The following NUP205 variants were observed in gnomAD, a reference collection of about 807,000 sequenced individuals.
NUP205 encodes the protein nucleoporin 205, also known as nuclear pore complex protein Nup205.
NUP205 carries 76 observed loss-of-function variants against 253.8 expected under a neutral mutation model. That is an observed-to-expected ratio of 0.30 (90% CI 0.25 to 0.36). NUP205 has a LOEUF of 0.36. Among genes scored for constraint, NUP205 ranks in the 10% least tolerant of loss-of-function variants. NUP205 has a pLI of 1.00. For synonymous variants in NUP205, 832 were observed against 850.1 expected (o/e 0.98, Z 0.37); for missense variants, 2,162 against 2,425.5 (o/e 0.89, Z 2.28).
At chr7:135,616,099 A>G in intron 24 of NUP205, 34 bp downstream of exon 24, 1 of 1,585,940 alleles carries the variant, frequency 6.3e-7, no homozygotes, top group Non-Finnish European at 8.6e-7. Flanking sequence ...TGTGCTGGTG[A>G]CTAGTTGTCG....
intron 7 of NUP205, among the ~76,000 whole-genome samples, chr7:135,580,376 C>T (rs371633275): frequency 3.3e-5 from 5 of 152,272 alleles, no homozygotes; most frequent in South Asian, 2.1e-4. Context: ...CTCACCTGTA[C>T]GTACCCTCAT....
chr7:135,597,193 A>G (rs187895427), intron 13 of NUP205, 175 bp from the exon 14 acceptor site: 3 of 473,262 alleles, frequency 6.3e-6, no homozygotes, highest in Non-Finnish European at 1.1e-5. Context: ...TTCTATCTCA[A>G]CCTGGCAGAA....
At chr7:135,571,357 T>C in intron 2 of NUP205, 110 bp downstream of exon 2, 1 of 684,726 alleles carries the variant, frequency 1.5e-6, no homozygotes, top group South Asian at 4.1e-5. Context: ...TTCAGAAATT[T>C]ATTTACTGTG....
intron 23 of NUP205, 123 bp from the exon 24 acceptor site, chr7:135,615,793 G>T: frequency 2.0e-6 from 1 of 507,272 alleles, no homozygotes; most frequent in South Asian, 5.6e-5. Context: ...TTATTATGTT[G>T]CTGAGTTTCA....
chr7:135,597,348 C>A lies in NUP205; in HGVS notation c.2014-20C>A, dbSNP rs1291935846. The A allele has an allele frequency of 1.6e-5, 25 of 1,589,538 alleles. No individual in the cohort carries two copies. The highest frequency in any genetic ancestry group is 2.0e-5 in the Non-Finnish European group (23 of 1,158,316). ...GATGAATGAGGAATGCTCCTGACATCTACTTCTTACTATTTTAAGATACTG... is the reference window on the plus strand; with the variant it reads ...GATGAATGAGGAATGCTCCTGACATATACTTCTTACTATTTTAAGATACTG... On this transcript the variant is annotated intron_variant, in intron 13 of 42. Coordinates refer to ENST00000285968, the MANE Select transcript of NUP205 (RefSeq NM_015135.3).
chr7:135,562,734 G>T (rs1413968743), intron 1 of NUP205, among the ~76,000 whole-genome samples: 2 of 151,648 alleles, frequency 1.3e-5, no homozygotes, highest in Admixed American at 6.6e-5. Context: ...TTTTAGTAGA[G>T]CAGGGTTTCA....
Position 135,636,414 on chromosome 7 carries a change from G to A in NUP205, c.5136+757G>A, listed in dbSNP as rs546183343. Among the ~76,000 whole-genome samples the A allele has an allele frequency of 1.7e-4, 26 of 152,188 alleles. No homozygotes were observed. The South Asian group carries it at 4.8e-3, about 28-fold the overall frequency. The stretch of plus-strand genomic sequence containing the variant: ...AATAACACATGGTATCACTGGGACC[G>A]AGGGTATACACATAGTACATCATTT... On this transcript the variant is annotated intron_variant, in intron 36 of 42. Coordinates refer to ENST00000285968, the MANE Select transcript of NUP205 (RefSeq NM_015135.3).
Position 135,571,115 on chromosome 7 carries a change from A to T in NUP205, c.39A>T (p.Leu13=), listed in dbSNP as rs763964133. The change falls in exon 2 of 43, where the codon CTA becomes CTT. Residue 13 remains leucine (L), a synonymous_variant. Coordinates refer to ENST00000285968, the MANE Select transcript of NUP205 (RefSeq NM_015135.3). ...TATTTTTTCTTTAAGCTGCTAGTCTATGGGGTCCTTACAAAGACATTTGGC... is the reference window on the plus strand; with the variant it reads ...TATTTTTTCTTTAAGCTGCTAGTCTTTGGGGTCCTTACAAAGACATTTGGC... ...TPLAVNSAAS[L]WGPYKDIWHK... The T allele has an allele frequency of 1.9e-6, 3 of 1,555,054 alleles. No individual in the cohort carries two copies. Among genetic ancestry groups the T allele is most frequent in the Non-Finnish European group, 2.6e-6 (3 of 1,151,184 alleles).
intron 38 of NUP205, among the ~76,000 whole-genome samples, chr7:135,642,627 AAAGATTTTTT>A (rs1483743054): frequency 1.3e-5 from 2 of 152,254 alleles, no homozygotes; most frequent in South Asian, 2.1e-4. Flanking sequence ...TGTTGTGGCA[AAAGATTTTTT>A]AAAGTTTAAA....
At chr7:135,561,325 C>T (rs1332469253) in intron 1 of NUP205, among the ~76,000 whole-genome samples, 1 of 152,158 alleles carries the variant, frequency 6.6e-6, no homozygotes, top group Non-Finnish European at 1.5e-5. Context: ...GCCTAGGCAA[C>T]AGAGCGAGAC....
At chr7:135,586,712 A>C (rs1204163291) in intron 8 of NUP205, among the ~76,000 whole-genome samples, 1 of 152,154 alleles carries the variant, frequency 6.6e-6, no homozygotes, top group East Asian at 1.9e-4. Context: ...TTTAATTTCC[A>C]GGTAGTTCAC....
At chr7:135,597,833 A>T (rs944553443) in intron 14 of NUP205, 165 bp from the exon 15 acceptor site, 8 of 611,456 alleles carry the variant, frequency 1.3e-5, no homozygotes, top group Middle Eastern at 4.4e-4. Flanking sequence ...ACTCATCTGG[A>T]TTCATATAAT....
At chr7:135,618,188 T>C (rs1402465403) in intron 27 of NUP205, among the ~76,000 whole-genome samples, 2 of 152,156 alleles carry the variant, frequency 1.3e-5, no homozygotes, top group African/African-American at 2.4e-5. Flanking sequence ...AAAATACATA[T>C]TTATCTATGC....
At chr7:135,620,271 C>T (rs147330616) in intron 30 of NUP205, among the ~76,000 whole-genome samples, 4 of 152,268 alleles carry the variant, frequency 2.6e-5, no homozygotes, top group South Asian at 2.1e-4. Flanking sequence ...TGGTGGCTCA[C>T]GCCTGTAATC....
Position 135,613,141 on chromosome 7 carries a change from A to ATT in NUP205, c.3196-1008_3196-1007dup, listed in dbSNP as rs547869729. 2.7e-4 allele frequency among the ~76,000 whole-genome samples: 39 copies of ATT among 147,110 alleles called. No homozygotes were observed. The East Asian group carries it at 6.5e-3, about 25-fold the overall frequency. On this transcript the variant is annotated intron_variant, in intron 22 of 42. Transcript: ENST00000285968. ...ATGATACCTACCTATTATCATCTTG[A>ATT]TTTTTTTTTTTAATTCCTGAAAACA...
chr7:135,601,298 A>C, intron 16 of NUP205, 72 bp from the exon 17 acceptor site: 1 of 1,354,490 alleles, frequency 7.4e-7, no homozygotes, highest in Non-Finnish European at 1.0e-6. Context: ...AGTCTCATAC[A>C]TTTCATATAA....
At position 135,604,436 on chromosome 7, in the gene NUP205, G is replaced by T. The variant is rs1230859402; in HGVS notation, c.2799G>T (p.Leu933Phe). Residue 933 changes from leucine (L) to phenylalanine (F), a missense_variant, in exon 19 of 43, where the codon TTG becomes TTT. Around this residue, in one of 5 missense-constraint regions of NUP205, gnomAD observed 892 missense variants for 957.1 expected, o/e 0.93. Coordinates refer to ENST00000285968, the MANE Select transcript of NUP205 (RefSeq NM_015135.3). ...ISCNSNIQIK[L>F]VGDFTHDQSI... ...GCAACTCTAATATTCAGATAAAGTT[G>T]GTTGGAGATTTCACACATGACCAGG... The T allele has an allele frequency of 1.2e-6, 2 of 1,605,954 alleles. No individual in the cohort carries two copies. The highest frequency in any genetic ancestry group is 2.2e-5 in the East Asian group (1 of 44,788).
intron 8 of NUP205, among the ~76,000 whole-genome samples, chr7:135,585,555 A>ATT (rs576344850): frequency 2.3e-4 from 33 of 144,876 alleles, no homozygotes; most frequent in African/African-American, 8.1e-4. Context: ...AATTGTTTAG[A>ATT]TTTTTTTTTT....
Position 135,591,545 on chromosome 7 carries a change from G to A in NUP205, c.1569G>A (p.Gly523=), listed in dbSNP as rs551544589. ...YLKMLQGLAN[G]PQCAHYCFSL... ...AGATGCTCCAGGGATTGGCCAATGG[G>A]CCTCAGTGTGCCCACTACTGTTTCA... Residue 523 remains glycine (G), a synonymous_variant, in exon 11 of 43, where the codon GGG becomes GGA. Coordinates refer to ENST00000285968, the MANE Select transcript of NUP205 (RefSeq NM_015135.3). 17 of 1,614,050 alleles carry A rather than the reference G, an allele frequency of 1.1e-5. No homozygotes were observed. The African/African-American group carries it at 2.1e-4, about 20-fold the overall frequency.
Sources: gnomAD v4.1 joint callset for allele counts (sites outside exome capture counted in the v4.1 genomes callset) on GRCh38, gnomAD v4.1.1 for gene constraint, gnomAD v4.1.1 regional missense constraint, MANE v1.5 for transcripts, NCBI Gene and HGNC (gene_info 2026-07-23, HGNC 2026-07-21) for gene names.